Variants in GTSE1 observed in about 807,000 individuals in gnomAD.
GTSE1 encodes G2 and S phase-expressed protein 1.
Under a neutral mutation model 60.5 loss-of-function variants are expected in GTSE1, and 52 were observed. That is an observed-to-expected ratio of 0.86 (90% CI 0.69 to 1.08). The LOEUF is 1.08. GTSE1 is among the 50% of genes least tolerant of loss of function. GTSE1 has a pLI of 0.00. For missense variants in GTSE1, 937 were observed against 961.8 expected, an observed-to-expected ratio of 0.97 and a Z score of 0.34; for synonymous variants, 368 against 386.5, an observed-to-expected ratio of 0.95 and a Z score of 0.56.
At chr22:46,306,762 A>G (rs2077717841) in intron 2 of GTSE1, among the ~76,000 whole-genome samples, 1 of 152,254 alleles carries the variant, frequency 6.6e-6, no homozygotes, top group Admixed American at 6.5e-5. Context: ...TGCTGGGATT[A>G]CAGGTGTGAG....
At chr22:46,322,472 T>C (rs1288082312) in intron 7 of GTSE1, among the ~76,000 whole-genome samples, 2 of 152,232 alleles carry the variant, frequency 1.3e-5, no homozygotes, top group East Asian at 3.9e-4. Context: ...CCAGAGCACA[T>C]GTGCTGATAC....
chr22:46,302,895 CTTT>C (rs34051708), intron 2 of GTSE1, among the ~76,000 whole-genome samples: 2 of 131,374 alleles, frequency 1.5e-5, no homozygotes. Flanking sequence ...CACTTTCCCT[CTTT>C]TTTTTTTTTT....
chr22:46,307,505 T>C (rs1162075190), intron 2 of GTSE1, among the ~76,000 whole-genome samples: 1 of 146,954 alleles, frequency 6.8e-6, no homozygotes. Flanking sequence ...ATGGCTGATG[T>C]AATTTCTTTT....
At chr22:46,328,657 A>G (rs778210893) in intron 9 of GTSE1, 31 bp from the exon 10 acceptor site, 1 of 1,543,052 alleles carries the variant, frequency 6.5e-7, no homozygotes, top group South Asian at 1.1e-5. Context: ...TTTTAGAGAC[A>G]TTTTCTCATA....
At chr22:46,315,414 C>T (rs1055921647) in intron 6 of GTSE1, among the ~76,000 whole-genome samples, 4 of 152,036 alleles carry the variant, frequency 2.6e-5, no homozygotes, top group Non-Finnish European at 4.4e-5. Context: ...AGGCTGGTCT[C>T]GAACTCCTGG....
intron 2 of GTSE1, among the ~76,000 whole-genome samples, 181 bp from the exon 3 acceptor site, chr22:46,307,969 T>C (rs1002139742): frequency 3.3e-5 from 5 of 152,160 alleles, no homozygotes; most frequent in Non-Finnish European, 7.3e-5. Context: ...AAAAATTTTT[T>C]AAAAAGGAAA....
Position 46,323,203 on chromosome 22 carries a change from C to G in GTSE1, c.1446C>G (p.Asp482Glu), listed in dbSNP as rs6008684. The part of the protein sequence containing the change: ...IPKFSIGDSP[D>E]SSTPKLSRAQ... ...TCTTGGACTTAGGTGACTCCCCGGA[C>G]AGCTCAACACCAAAGCTTTCGCGGG... The change falls in exon 8 of 12, where the codon GAC becomes GAG. Residue 482 changes from aspartate (D) to glutamate (E), a missense_variant. Coordinates refer to ENST00000454366, the MANE Select transcript of GTSE1 (RefSeq NM_016426.7). 171,292 of 1,610,984 alleles carry G rather than the reference C, an allele frequency of 0.11. 10,726 individuals carry two copies. The highest frequency in any genetic ancestry group is 0.26 in the African/African-American group (19,505 of 74,886).
rs1216694215 is a variant in GTSE1, at chr22:46,309,362, CAG to C, written c.762+420_762+421del. On this transcript the variant is annotated intron_variant, in intron 4 of 11. Transcript: ENST00000454366. The surrounding 1 kb of genome is among the most constrained non-coding windows in gnomAD (Gnocchi z 6.2). ...AGCTTTCCTGGGAGGTGGCAGTTGA[CAG>C]GGGTGCCTTTGGGTGCAGTCTGCCT... Among the ~76,000 whole-genome samples, 2 of 152,150 alleles carry C rather than the reference CAG, an allele frequency of 1.3e-5. No individual in the cohort carries two copies. Among genetic ancestry groups the C allele is most frequent in the East Asian group, 1.9e-4 (1 of 5,184 alleles).
intron 6 of GTSE1, among the ~76,000 whole-genome samples, chr22:46,315,441 G>T (rs1163580888): frequency 1.3e-5 from 2 of 152,096 alleles, no homozygotes; most frequent in Non-Finnish European, 2.9e-5. Flanking sequence ...GTGATCTCTT[G>T]CCTTGGCCTC....
chr22:46,307,454 A>G (rs375763375), intron 2 of GTSE1, among the ~76,000 whole-genome samples: 5 of 152,294 alleles, frequency 3.3e-5, no homozygotes, highest in East Asian at 1.9e-4. Flanking sequence ...TATATCTTAA[A>G]AGTAAGGACC....
Position 46,317,735 on chromosome 22 carries a change from G to T in GTSE1, c.1432+1323G>T, listed in dbSNP as rs1036024706. ...GTCTAGCATAGCCTTTCCGCCTCCC[G>T]CCACCGGCGTCCTTCCCAAGGCCTC... On this transcript the variant is annotated intron_variant, in intron 7 of 11. Transcript: ENST00000454366. This position sits in a 1 kb window ranked among gnomAD's most constrained non-coding sequence, Gnocchi z 5.6. Among the ~76,000 whole-genome samples the T allele has an allele frequency of 6.6e-6, 1 of 152,152 alleles. No individual in the cohort carries two copies. The highest frequency in any genetic ancestry group is 2.4e-5 in the African/African-American group (1 of 41,422).
rs1419199303 is a variant in GTSE1 at position 46,324,148 on chromosome 22, C to T, written c.1505+886C>T. ...TTTGGTGACTCTGGGCTTTAGTTTC[C>T]TCCTGTGTGAGCTTGAGACACGCTT... is the stretch of plus-strand genomic sequence containing the variant. On this transcript the variant is annotated intron_variant, in intron 8 of 11. Coordinates refer to ENST00000454366, the MANE Select transcript of GTSE1 (RefSeq NM_016426.7). This position sits in a 1 kb window ranked among gnomAD's most constrained non-coding sequence, Gnocchi z 5.2. Among the ~76,000 whole-genome samples the T allele has an allele frequency of 6.6e-6, 1 of 152,172 alleles. No individual in the cohort carries two copies. Among genetic ancestry groups the T allele is most frequent in the Non-Finnish European group, 1.5e-5 (1 of 68,036 alleles).
At position 46,316,387 on chromosome 22, in the gene GTSE1, A is replaced by T. The variant is rs1407719195; in HGVS notation, c.1407A>T (p.Gln469His). The T allele has an allele frequency of 2.5e-6, 4 of 1,581,798 alleles. No individual in the cohort carries two copies. The highest frequency in any genetic ancestry group is 3.5e-6 in the Non-Finnish European group (4 of 1,157,268). ...KTKVMPTPTN[Q>H]FKIPKFSIGD... ...AGGTTATGCCTACTCCTACAAATCA[A>T]TTTAAAATTCCTAAGTTTTCTATTG... The change falls in exon 7 of 12, where the codon CAA (glutamine) becomes CAT (histidine). Residue 469 changes from glutamine to histidine, a missense_variant. Gln to His is a conservative substitution (Grantham distance 24, BLOSUM62 0). Coordinates refer to ENST00000454366, the MANE Select transcript of GTSE1 (RefSeq NM_016426.7). The surrounding 1 kb of genome is among the most constrained non-coding windows in gnomAD (Gnocchi z 5.0).
Position 46,310,437 on chromosome 22 carries a change from A to T in GTSE1, c.762+1494A>T, listed in dbSNP as rs370818008. ...CAAAAAAATAAATGTAGAGGGTCCC[A>T]TGGGACCCAGCAATTCCACTCCTTA... On this transcript the variant is annotated intron_variant, in intron 4 of 11. Transcript: ENST00000454366. This position sits in a 1 kb window ranked among gnomAD's most constrained non-coding sequence, Gnocchi z 4.4. Among the ~76,000 whole-genome samples, 1 of 152,176 alleles carries T rather than the reference A, an allele frequency of 6.6e-6. No homozygotes were observed. The highest frequency in any genetic ancestry group is 6.5e-5 in the Admixed American group (1 of 15,278).
chr22:46,323,837 G>A (rs1167415535), intron 8 of GTSE1, among the ~76,000 whole-genome samples: 2 of 152,084 alleles, frequency 1.3e-5, no homozygotes, highest in African/African-American at 2.4e-5. Flanking sequence ...ACAGGCACCC[G>A]CCACCACACC....
rs953344597 is a variant in GTSE1, at chr22:46,324,043, T to G, written c.1505+781T>G. 2.0e-5 allele frequency among the ~76,000 whole-genome samples: 3 copies of G among 152,184 alleles called. No homozygotes were observed. The highest frequency in any genetic ancestry group is 1.9e-4 in the East Asian group (1 of 5,182). On this transcript the variant is annotated intron_variant, in intron 8 of 11. Transcript: ENST00000454366. This position sits in a 1 kb window ranked among gnomAD's most constrained non-coding sequence, Gnocchi z 5.2. Reference sequence around the variant, plus strand: ...CCACTTCCTGGTCTTTGATCCAGTTTAAGTTCCCGAATGTTGCTGACCTTT... The same window carrying G: ...CCACTTCCTGGTCTTTGATCCAGTTGAAGTTCCCGAATGTTGCTGACCTTT...
At chr22:46,306,638 G>T (rs1026683291) in intron 2 of GTSE1, among the ~76,000 whole-genome samples, 3 of 152,012 alleles carry the variant, frequency 2.0e-5, no homozygotes, top group African/African-American at 4.8e-5. Context: ...ACACCACCAC[G>T]CTCGGCTAAT....
intron 2 of GTSE1, among the ~76,000 whole-genome samples, chr22:46,307,607 G>A (rs113444899): frequency 0.04 from 6,130 of 152,074 alleles, 149 homozygotes; most frequent in Non-Finnish European, 0.058. Flanking sequence ...GGGTTCAAGC[G>A]ATTCTCCTGC....
chr22:46,307,687 G>C (rs1386645434), intron 2 of GTSE1, among the ~76,000 whole-genome samples: 1 of 152,124 alleles, frequency 6.6e-6, no homozygotes, highest in African/African-American at 2.4e-5. Flanking sequence ...ATTTTTAGTA[G>C]AGACGGGGTT....
Sources: gnomAD v4.1 joint callset for allele counts (sites outside exome capture counted in the v4.1 genomes callset) on GRCh38, gnomAD v4.1.1 for gene constraint, Gnocchi (gnomAD v3.1) non-coding constraint, MANE v1.5 for transcripts, NCBI Gene and HGNC (gene_info 2026-07-23, HGNC 2026-07-21) for gene names.